DIAPH3: variants seen among roughly 807,000 people sequenced by gnomAD.
DIAPH3 encodes protein diaphanous homolog 3.
DIAPH3 carries 117 observed loss-of-function variants against 144.3 expected under a neutral mutation model. That is an observed-to-expected ratio of 0.81 (90% CI 0.70 to 0.95). The LOEUF is 0.95. Ranked by LOEUF, DIAPH3 falls within the 40% of genes least tolerant of loss-of-function variation. The pLI is 0.00. For missense variants in DIAPH3, 1,421 were observed against 1,412.7 expected, an observed-to-expected ratio of 1.01 and a Z score of -0.09; for synonymous variants, 519 against 488.9, an observed-to-expected ratio of 1.06 and a Z score of -0.81.
chr13:59,880,095 C>A (rs2044911446), intron 20 of DIAPH3, among the ~76,000 whole-genome samples: 1 of 152,070 alleles, frequency 6.6e-6, no homozygotes, highest in Non-Finnish European at 1.5e-5. Context: ...CGGTGCAAAC[C>A]CACAAATCTA....
intron 27 of DIAPH3, among the ~76,000 whole-genome samples, chr13:59,705,830 T>C (rs1211586877): frequency 6.6e-6 from 1 of 152,182 alleles, no homozygotes; most frequent in Non-Finnish European, 1.5e-5. Flanking sequence ...TCTCAAATCC[T>C]GTATTTCATG....
chr13:59,901,069 T>A (rs1049733424), intron 20 of DIAPH3, among the ~76,000 whole-genome samples: 2 of 152,226 alleles, frequency 1.3e-5, no homozygotes, highest in African/African-American at 4.8e-5. Flanking sequence ...AATAATGAGA[T>A]CATTGAAATA....
intron 20 of DIAPH3, among the ~76,000 whole-genome samples, chr13:59,893,500 G>C (rs2045925204): frequency 6.6e-6 from 1 of 152,078 alleles, no homozygotes; most frequent in Non-Finnish European, 1.5e-5. Context: ...GAAAGCTGGA[G>C]CTGGGGAGGT....
At chr13:60,126,140 C>T (rs1053049336) in intron 2 of DIAPH3, among the ~76,000 whole-genome samples, 1 of 151,980 alleles carries the variant, frequency 6.6e-6, no homozygotes, top group African/African-American at 2.4e-5. Context: ...TAAAACACTA[C>T]ATACCGAGGG....
chr13:59,817,644 T>C (rs975394602), intron 24 of DIAPH3, among the ~76,000 whole-genome samples: 7 of 151,954 alleles, frequency 4.6e-5, no homozygotes, highest in Non-Finnish European at 1.0e-4. Flanking sequence ...TATTGTGATT[T>C]ATAAAATGTT....
intron 17 of DIAPH3, among the ~76,000 whole-genome samples, chr13:59,942,684 C>A (rs1442201480): frequency 6.6e-6 from 1 of 151,972 alleles, no homozygotes; most frequent in South Asian, 2.1e-4. Flanking sequence ...AAAGGCTACA[C>A]ATATAAGTGT....
intron 17 of DIAPH3, among the ~76,000 whole-genome samples, chr13:59,958,364 A>T (rs926314160): frequency 1.3e-5 from 2 of 152,150 alleles, no homozygotes; most frequent in Non-Finnish European, 2.9e-5. Flanking sequence ...ATCATAAAAC[A>T]AGAGTAACAA....
At chr13:59,850,512 G>A (rs1440498764) in intron 22 of DIAPH3, among the ~76,000 whole-genome samples, 2 of 150,832 alleles carry the variant, frequency 1.3e-5, no homozygotes, top group African/African-American at 4.9e-5. Flanking sequence ...CTAATTTATT[G>A]AGAGTTTTTA....
At chr13:60,092,600 G>C (rs965343459) in intron 4 of DIAPH3, among the ~76,000 whole-genome samples, 2 of 152,022 alleles carry the variant, frequency 1.3e-5, no homozygotes, top group Non-Finnish European at 2.9e-5. Flanking sequence ...GCAGTGAGCC[G>C]AGATGGCGCC....
intron 1 of DIAPH3, among the ~76,000 whole-genome samples, chr13:60,138,635 C>A (rs1297750763): frequency 6.6e-6 from 1 of 152,150 alleles, no homozygotes; most frequent in Non-Finnish European, 1.5e-5. Flanking sequence ...AGGTACAAAT[C>A]ATTCAGTCTC....
rs139249155 is a variant in DIAPH3, at chr13:59,764,137, C to T, written c.3319+10052G>A. Among the ~76,000 whole-genome samples, 212 of 152,018 alleles carry T rather than the reference C, an allele frequency of 1.4e-3. 1 individual carries two copies. Among genetic ancestry groups the T allele is most frequent in the African/African-American group, 4.8e-3 (197 of 41,452 alleles). The stretch of plus-strand genomic sequence containing the variant: ...CTCCTTAGGTCATCTTCTGTGTTTA[C>T]ATAATCCCTGTTTGCAGTAGAACAC... On this transcript the variant is annotated intron_variant, in intron 27 of 27. Coordinates refer to ENST00000400324, the MANE Select transcript of DIAPH3 (RefSeq NM_001042517.2).
In DIAPH3 at chr13:60,112,205, T is replaced by C. The variant is rs372661835; in HGVS notation, c.214-19A>G. ...TGTCCAGCTACAAAGAAAGACAGAATGACACACGTGTAAGTATTTCCTTTC... is the reference window on the plus strand; with the variant it reads ...TGTCCAGCTACAAAGAAAGACAGAACGACACACGTGTAAGTATTTCCTTTC... On this transcript the variant is annotated intron_variant, in intron 2 of 27. Coordinates refer to ENST00000400324, the MANE Select transcript of DIAPH3 (RefSeq NM_001042517.2). 39 of 1,613,306 alleles carry C rather than the reference T, an allele frequency of 2.4e-5. No individual in the cohort carries two copies. The highest frequency in any genetic ancestry group is 5.5e-5 in the South Asian group (5 of 91,082).
intron 23 of DIAPH3, among the ~76,000 whole-genome samples, chr13:59,836,883 A>AT (rs954367362): frequency 1.3e-5 from 2 of 151,960 alleles, no homozygotes; most frequent in African/African-American, 4.8e-5. Context: ...TTCATTGTGC[A>AT]TTTTAGCTTC....
At chr13:59,789,682 T>A (rs557904181) in intron 25 of DIAPH3, among the ~76,000 whole-genome samples, 2 of 152,252 alleles carry the variant, frequency 1.3e-5, no homozygotes, top group South Asian at 4.2e-4. Context: ...AGCCCAGCAG[T>A]CATGCTCTGA....
intron 5 of DIAPH3, among the ~76,000 whole-genome samples, chr13:60,024,490 TTC>T (rs2054252218): frequency 1.3e-5 from 2 of 152,310 alleles, no homozygotes; most frequent in South Asian, 4.1e-4. Flanking sequence ...TGCTGAGACT[TTC>T]TATTTTTTTT....
chr13:59,833,592 A>G (rs553785538), intron 23 of DIAPH3, among the ~76,000 whole-genome samples: 1 of 151,842 alleles, frequency 6.6e-6, no homozygotes, highest in African/African-American at 2.4e-5. Context: ...ATTTAAAATT[A>G]TAGTTCAGTA....
At chr13:60,006,972 G>T (rs2052910339) in intron 9 of DIAPH3, among the ~76,000 whole-genome samples, 1 of 152,040 alleles carries the variant, frequency 6.6e-6, no homozygotes, top group East Asian at 1.9e-4. Context: ...CACAACATAG[G>T]GTTCCTCACT....
intron 24 of DIAPH3, among the ~76,000 whole-genome samples, chr13:59,825,989 GC>G (rs1263157413): frequency 6.6e-6 from 1 of 152,040 alleles, no homozygotes; most frequent in African/African-American, 2.4e-5. Flanking sequence ...CAACCTTCAT[GC>G]TAAAAACTCT....
At chr13:59,995,361 A>T (rs1327135491) in intron 9 of DIAPH3, among the ~76,000 whole-genome samples, 1 of 151,906 alleles carries the variant, frequency 6.6e-6, no homozygotes, top group Non-Finnish European at 1.5e-5. Flanking sequence ...TGTTACAGAA[A>T]TCGTTATGAT....
Sources: allele counts gnomAD v4.1 joint callset (sites outside exome capture counted in the v4.1 genomes callset), GRCh38; gene constraint gnomAD v4.1.1; transcripts MANE v1.5; gene names NCBI Gene and HGNC (gene_info 2026-07-23, HGNC 2026-07-21).